The following VTI1A variants were observed in gnomAD, a reference collection of about 807,000 sequenced individuals.
VTI1A encodes the protein vesicle transport through interaction with t-SNAREs 1A.
Under a neutral mutation model 34.9 loss-of-function variants are expected in VTI1A, and 22 were observed. The ratio of observed to expected loss-of-function variants is 0.63; its 90% confidence interval spans 0.45 to 0.90. The LOEUF is 0.90. Among genes scored for constraint, VTI1A ranks in the 40% least tolerant of loss-of-function variants. VTI1A has a pLI of 0.00. For missense variants in VTI1A, 268 were observed against 275.6 expected, an observed-to-expected ratio of 0.97 and a Z score of 0.20; for synonymous variants, 87 against 97.3, an observed-to-expected ratio of 0.89 and a Z score of 0.62.
In VTI1A at chr10:112,732,685, G is replaced by A. The variant is rs549573094; in HGVS notation, c.560+63687G>A. Among the ~76,000 whole-genome samples, 3 of 152,284 alleles carry A rather than the reference G, an allele frequency of 2.0e-5. No homozygotes were observed. In the East Asian group the frequency reaches 5.8e-4, roughly 29 times the overall value. ...TCCATTACTGGGCCTTTCACACTGT[G>A]TGTGGCCTTTACAAATGTTAATTAA... On this transcript the variant is annotated intron_variant, in intron 7 of 7. Coordinates refer to ENST00000393077, the MANE Select transcript of VTI1A (RefSeq NM_145206.4).
At chr10:112,619,024 A>G (rs987743676) in intron 5 of VTI1A, among the ~76,000 whole-genome samples, 3 of 151,772 alleles carry the variant, frequency 2.0e-5, no homozygotes, top group African/African-American at 7.3e-5. Context: ...AAAAATAAAT[A>G]CATCTTCTGG....
chr10:112,620,704 C>T (rs1365518624), intron 5 of VTI1A, among the ~76,000 whole-genome samples: 2 of 151,344 alleles, frequency 1.3e-5, no homozygotes, highest in African/African-American at 4.9e-5. Context: ...GCAGGAGAAT[C>T]GCTTGAACCC....
intron 7 of VTI1A, among the ~76,000 whole-genome samples, chr10:112,676,756 G>T (rs1193471412): frequency 6.6e-6 from 1 of 152,190 alleles, no homozygotes; most frequent in Non-Finnish European, 1.5e-5. Flanking sequence ...CCAGTTGCAT[G>T]TGGCAGAAAT....
chr10:112,494,009 AATG>A (rs979153105), intron 3 of VTI1A, among the ~76,000 whole-genome samples: 1 of 152,158 alleles, frequency 6.6e-6, no homozygotes, highest in Non-Finnish European at 1.5e-5. Flanking sequence ...CTGTTTTCTA[AATG>A]ATGATTTTGT....
rs57081938 is a variant in VTI1A, at chr10:112,709,682, CTTTTTTTTTTTTTT to C, written c.560+40699_560+40712del. Among the ~76,000 whole-genome samples, 148 of 70,286 alleles carry C rather than the reference CTTTTTTTTTTTTTT, an allele frequency of 2.1e-3. 5 individuals are homozygous for C. The East Asian group carries it at 0.054, about 26-fold the overall frequency. The allele number at this position is 70,286 out of a possible 152,430, so 46.1% of individuals were successfully genotyped here. On this transcript the variant is annotated intron_variant, in intron 7 of 7. Coordinates refer to ENST00000393077, the MANE Select transcript of VTI1A (RefSeq NM_145206.4). ...CCCCAACAAGAGGCACTCTATGTGG[CTTTTTTTTTTTTTT>C]TTTTTTTTTTTTTTGAGATAGTTTT...
intron 5 of VTI1A, among the ~76,000 whole-genome samples, chr10:112,564,506 A>C (rs1470747548): frequency 6.6e-6 from 1 of 151,866 alleles, no homozygotes; most frequent in Non-Finnish European, 1.5e-5. Flanking sequence ...TCACTGAAAC[A>C]GTTTTTCTGA....
At chr10:112,542,203 G>A (rs768819277) in intron 5 of VTI1A, among the ~76,000 whole-genome samples, 3 of 152,114 alleles carry the variant, frequency 2.0e-5, no homozygotes, top group Non-Finnish European at 4.4e-5. Context: ...CAAAGAAACA[G>A]GCTGAAAGAG....
At chr10:112,764,223 AT>A (rs1554959362) in intron 7 of VTI1A, among the ~76,000 whole-genome samples, 1 of 152,102 alleles carries the variant, frequency 6.6e-6, no homozygotes, top group Non-Finnish European at 1.5e-5. Context: ...TGTGGTTTGC[AT>A]GCATGCGGTC....
chr10:112,524,949 A>G (rs969705285), intron 3 of VTI1A, among the ~76,000 whole-genome samples: 4 of 152,192 alleles, frequency 2.6e-5, no homozygotes, highest in African/African-American at 9.6e-5. Flanking sequence ...AGCAAAGGCA[A>G]GCTTTGGCTT....
Position 112,455,196 on chromosome 10 carries a change from C to CT in VTI1A, c.95-5328_95-5327insT, listed in dbSNP as rs1451001211. Among the ~76,000 whole-genome samples, 2 of 582 alleles carry CT rather than the reference C, an allele frequency of 3.4e-3. 1 individual carries two copies. The allele number at this position is 582 out of a possible 152,430, so 0.4% of individuals were successfully genotyped here. A position where few individuals can be genotyped will look rare whatever the true frequency, so the allele number is the denominator to read the frequency against. On this transcript the variant is annotated intron_variant, in intron 1 of 7. Coordinates refer to ENST00000393077, the MANE Select transcript of VTI1A (RefSeq NM_145206.4). ...CTCCCCTCCCCTCCTCCCCTCACCT[C>CT]CCCCCTCCCCTCCCCTCCCCCCTCC...
chr10:112,745,170 C>T (rs1363605426), intron 7 of VTI1A, among the ~76,000 whole-genome samples: 3 of 151,254 alleles, frequency 2.0e-5, no homozygotes, highest in Non-Finnish European at 4.4e-5. Context: ...TATTTTATGA[C>T]TTTTTGTGGA....
intron 7 of VTI1A, among the ~76,000 whole-genome samples, chr10:112,738,415 C>T (rs748934237): frequency 1.7e-4 from 26 of 152,300 alleles, no homozygotes; most frequent in African/African-American, 4.8e-4. Context: ...AGACTTGGCT[C>T]TCCTCTGAGG....
At chr10:112,771,482 A>C (rs1851814526) in intron 7 of VTI1A, among the ~76,000 whole-genome samples, 1 of 152,208 alleles carries the variant, frequency 6.6e-6, no homozygotes, top group Non-Finnish European at 1.5e-5. Flanking sequence ...CAGCTGTGCA[A>C]GAGCTTTGTG....
chr10:112,685,765 A>G (rs549076945), intron 7 of VTI1A, among the ~76,000 whole-genome samples: 5 of 152,230 alleles, frequency 3.3e-5, no homozygotes, highest in East Asian at 1.9e-4. Context: ...TGAATCTGCA[A>G]ATGGAGAGCT....
intron 5 of VTI1A, among the ~76,000 whole-genome samples, chr10:112,598,150 T>C (rs1844738481): frequency 6.6e-6 from 1 of 152,238 alleles, no homozygotes; most frequent in Admixed American, 6.5e-5. Context: ...CAGAGTAACA[T>C]GAGACTAGCA....
intron 3 of VTI1A, among the ~76,000 whole-genome samples, chr10:112,484,052 A>G (rs530602005): frequency 6.6e-5 from 10 of 152,334 alleles, no homozygotes; most frequent in Admixed American, 4.6e-4. Context: ...GAGTTTAAAG[A>G]TGATTTGGTT....
At chr10:112,586,736 AAC>A (rs1488345133) in intron 5 of VTI1A, among the ~76,000 whole-genome samples, 1 of 152,148 alleles carries the variant, frequency 6.6e-6, no homozygotes. Flanking sequence ...CGGAAGTCAA[AAC>A]AGTTACTCTC....
At position 112,593,911 on chromosome 10, in the gene VTI1A, T is replaced by TA. The variant is rs112290921; in HGVS notation, c.427+55581_427+55582insA. Among the ~76,000 whole-genome samples the TA allele has an allele frequency of 1.1e-3, 167 of 149,414 alleles. 2 individuals carry two copies. Among genetic ancestry groups the TA allele is most frequent in the Non-Finnish European group, 9.0e-4 (61 of 67,434 alleles). On this transcript the variant is annotated intron_variant, in intron 5 of 7. Coordinates refer to ENST00000393077, the MANE Select transcript of VTI1A (RefSeq NM_145206.4). The stretch of plus-strand genomic sequence containing the variant: ...GCCACCACGCCCGGCTAATTTTTTT[T>TA]TTATTATTATTATTTTGAGACGGAG...
rs139176368 is a variant in VTI1A at position 112,568,832 on chromosome 10, T to C, written c.427+30502T>C. 3.4e-4 allele frequency among the ~76,000 whole-genome samples: 51 copies of C among 152,232 alleles called. 1 individual carries two copies. The highest frequency in any genetic ancestry group is 3.4e-3 in the Middle Eastern group (1 of 294). On this transcript the variant is annotated intron_variant, in intron 5 of 7. Coordinates refer to ENST00000393077, the MANE Select transcript of VTI1A (RefSeq NM_145206.4). ...CTTTGACCACCTTTCTACCCTTGTG[T>C]TCCTCCGCCATGCAGTAGGCCCACT...
Sources: gnomAD v4.1 joint callset for allele counts (sites outside exome capture counted in the v4.1 genomes callset) on GRCh38, gnomAD v4.1.1 for gene constraint, MANE v1.5 for transcripts, NCBI Gene and HGNC (gene_info 2026-07-23, HGNC 2026-07-21) for gene names.